GLE1: variants seen among roughly 807,000 people sequenced by gnomAD.
The protein encoded by GLE1 is GLE1 RNA export mediator.
GLE1 carries 78 observed loss-of-function variants against 97.3 expected under a neutral mutation model. The ratio of observed to expected loss-of-function variants is 0.80; its 90% CI spans 0.67 to 0.97. The LOEUF is 0.97. GLE1 is among the 50% of genes least tolerant of loss of function. The pLI is 0.00. For missense variants in GLE1, 753 were observed against 857.5 expected (o/e 0.88, Z 1.52); for synonymous variants, 302 against 313.4 (o/e 0.96, Z 0.39).
At chr9:128,510,527 T>A (rs76351445) in intron 2 of GLE1, among the ~76,000 whole-genome samples, 1 of 18,742 alleles carries the variant, frequency 5.3e-5, no homozygotes, top group Non-Finnish European at 3.6e-4. Context: ...ACACCCAGGC[T>A]TTTTTTTTTT....
At chr9:128,524,565 TTTTTG>T (rs1847247883) in intron 6 of GLE1, among the ~76,000 whole-genome samples, 4 of 141,546 alleles carry the variant, frequency 2.8e-5, no homozygotes, top group African/African-American at 7.9e-5. Context: ...TTTTTTTTTT[TTTTTG>T]AGACAGGGTC....
chr9:128,540,514 C>G (rs1470860352), intron 15 of GLE1, 176 bp downstream of exon 15: 3 of 650,100 alleles, frequency 4.6e-6, no homozygotes, highest in Non-Finnish European at 8.4e-6. Flanking sequence ...GCCATTTCCT[C>G]TTCTTTATAT....
At chr9:128,532,209 C>CTTTTTTTTTTTTTTTTTTT (rs1160924908) in intron 9 of GLE1, among the ~76,000 whole-genome samples, 1 of 49,386 alleles carries the variant, frequency 2.0e-5, no homozygotes. Flanking sequence ...ATCTGCTTTG[C>CTTTTTTTTTTTTTTTTTTT]TTTTTTTTTT....
chr9:128,512,831 GT>G (rs1362772757), intron 2 of GLE1, among the ~76,000 whole-genome samples: 1 of 152,082 alleles, frequency 6.6e-6, no homozygotes, highest in African/African-American at 2.4e-5. Context: ...GGCTAATTTT[GT>G]ATTTTTCGTA....
At chr9:128,507,773 A>T (rs143202989) in intron 1 of GLE1, among the ~76,000 whole-genome samples, 2,273 of 151,736 alleles carry the variant, frequency 0.015, 48 homozygotes, top group African/African-American at 0.051. Context: ...CTGTAATCCC[A>T]GCTGCTCGGG....
rs374420012 is a variant in GLE1 at position 128,523,679 on chromosome 9, C to T, written c.730C>T (p.Arg244Cys). 4.1e-5 allele frequency: 66 copies of T among 1,613,956 alleles called. No homozygotes were observed. Among genetic ancestry groups the T allele is most frequent in the Non-Finnish European group, 5.1e-5 (60 of 1,179,998 alleles). ...ERLRKEEGQIRLRALYALQEE... is the reference protein window; with the variant it reads ...ERLRKEEGQICLRALYALQEE... ...GCTTCGGAAGGAAGAAGGCCAGATCCGCCTGCGGGCCCTCTATGCTCTGCA... is the reference window on the plus strand; with the variant it reads ...GCTTCGGAAGGAAGAAGGCCAGATCTGCCTGCGGGCCCTCTATGCTCTGCA... The change falls in exon 6 of 16, where the codon CGC becomes TGC. Residue 244 changes from arginine to cysteine, a missense_variant. Transcript: ENST00000309971.
chr9:128,523,787 C>G lies in GLE1; in HGVS notation c.838C>G (p.Gln280Glu). 1 of 1,613,992 alleles carries G rather than the reference C, an allele frequency of 6.2e-7. No homozygotes were observed. Reference protein sequence around the residue: ...ALLKVDLAAFQTRGNQLCSLI... With the variant: ...ALLKVDLAAFETRGNQLCSLI... ...GCTTAAGGTCGACCTGGCTGCCTTC[C>G]AGACCCGAGGCAACCAGCTGTGCAG... Residue 280 changes from glutamine to glutamate, a missense_variant, in exon 6 of 16, where the codon CAG (glutamine) becomes GAG (glutamate). Transcript: ENST00000309971.
At chr9:128,540,482 C>T in intron 15 of GLE1, 144 bp downstream of exon 15, 1 of 695,408 alleles carries the variant, frequency 1.4e-6, no homozygotes, top group South Asian at 1.5e-5. Context: ...CTAATTCCCT[C>T]TTAACCTTTG....
chr9:128,520,438 GTA>G lies in GLE1; in HGVS notation c.433-2219_433-2218del, dbSNP rs1007444595. Among the ~76,000 whole-genome samples, 3 of 145,812 alleles carry G rather than the reference GTA, an allele frequency of 2.1e-5. No individual in the cohort carries two copies. In the Middle Eastern group the frequency reaches 0.011, roughly 532 times the overall value. ...TATATATGTATATATGTATATATATGTATATATATATAAAAAATACAATAAAA... is the reference window on the plus strand; with the variant it reads ...TATATATGTATATATGTATATATATGTATATATATAAAAAATACAATAAAA... On this transcript the variant is annotated intron_variant, in intron 3 of 15. Transcript: ENST00000309971.
intron 2 of GLE1, among the ~76,000 whole-genome samples, chr9:128,509,446 T>A (rs1173333395): frequency 6.6e-6 from 1 of 152,042 alleles, no homozygotes; most frequent in Non-Finnish European, 1.5e-5. Context: ...CTCTTTAAGT[T>A]TACATGCCTT....
chr9:128,529,784 C>T (rs1271012396), intron 9 of GLE1, among the ~76,000 whole-genome samples: 2 of 151,018 alleles, frequency 1.3e-5, no homozygotes, highest in Admixed American at 6.6e-5. Flanking sequence ...TAGGGATCTA[C>T]TCTTTTTTTT....
intron 2 of GLE1, among the ~76,000 whole-genome samples, chr9:128,511,520 A>G (rs904246654): frequency 6.6e-6 from 1 of 151,384 alleles, no homozygotes; most frequent in African/African-American, 2.4e-5. Context: ...ATTCTGGCTA[A>G]CACGGTCAAA....
chr9:128,515,289 A>T (rs564225367), intron 2 of GLE1, among the ~76,000 whole-genome samples: 1 of 152,330 alleles, frequency 6.6e-6, no homozygotes, highest in African/African-American at 2.4e-5. Flanking sequence ...CAAAAAAAAC[A>T]TAGAAAAACC....
intron 2 of GLE1, among the ~76,000 whole-genome samples, chr9:128,510,526 CT>C (rs71381766): frequency 0.54 from 44,986 of 82,728 alleles, 13,494 homozygotes; most frequent in Non-Finnish European, 0.71. Context: ...CACACCCAGG[CT>C]TTTTTTTTTT....
intron 12 of GLE1, chr9:128,536,794 G>C: frequency 2.8e-6 from 1 of 354,632 alleles, no homozygotes; most frequent in Non-Finnish European, 5.5e-6. Context: ...CTTAGAACTA[G>C]TTGAGACCTT....
intron 3 of GLE1, among the ~76,000 whole-genome samples, chr9:128,516,178 G>A (rs1020464221): frequency 4.0e-5 from 6 of 151,742 alleles, no homozygotes; most frequent in Non-Finnish European, 7.4e-5. Flanking sequence ...GGCTGGTCTC[G>A]AACTCCTGAC....
chr9:128,508,790 T>G lies in GLE1; in HGVS notation c.100-86T>G, dbSNP rs1268092822. 4.9e-6 allele frequency: 4 copies of G among 819,346 alleles called. No individual in the cohort carries two copies. In the African/African-American group the frequency reaches 6.7e-5, roughly 14 times the overall value. 50.8% of individuals were successfully genotyped at this position (819,346 alleles called of 1,614,324 possible). ...TCTTTGATGTTTATTTATTTAGGCC[T>G]TCTTAGATGTTCAGTAAGGCATGTA... On this transcript the variant is annotated intron_variant, in intron 1 of 15. Coordinates refer to ENST00000309971, the MANE Select transcript of GLE1 (RefSeq NM_001003722.2).
chr9:128,516,549 G>A (rs1846993306), intron 3 of GLE1, among the ~76,000 whole-genome samples: 1 of 151,160 alleles, frequency 6.6e-6, no homozygotes, highest in Non-Finnish European at 1.5e-5. Flanking sequence ...TTGATCTTCT[G>A]ACCTCGTGAT....
At chr9:128,535,509 T>G (rs1589073768) in intron 11 of GLE1, among the ~76,000 whole-genome samples, 6 of 93,636 alleles carry the variant, frequency 6.4e-5, no homozygotes, top group African/African-American at 8.6e-5. Flanking sequence ...GCAACAAGAG[T>G]GAAACTCTGT....
Sources: allele counts gnomAD v4.1 joint callset (sites outside exome capture counted in the v4.1 genomes callset), GRCh38; gene constraint gnomAD v4.1.1; transcripts MANE v1.5; gene names NCBI Gene and HGNC (gene_info 2026-07-23, HGNC 2026-07-21).